NEO1: variants seen among roughly 807,000 people sequenced by gnomAD.
NEO1 encodes neogenin.
NEO1 carries 63 observed loss-of-function variants against 159.7 expected under a neutral mutation model. The observed-to-expected ratio is 0.39, with a 90% CI of 0.32 to 0.49. The LOEUF is 0.49. NEO1 is among the 20% of genes least tolerant of loss of function. The pLI is 0.85. For missense variants in NEO1, 1,615 were observed against 1,831.0 expected, an observed-to-expected ratio of 0.88 and a Z score of 2.15; for synonymous variants, 633 against 662.0, an observed-to-expected ratio of 0.96 and a Z score of 0.67.
At chr15:73,239,526 G>A (rs1291135758) in intron 8 of NEO1, among the ~76,000 whole-genome samples, 2 of 152,118 alleles carry the variant, frequency 1.3e-5, no homozygotes, top group African/African-American at 4.8e-5. Context: ...CGTATACAAT[G>A]GTGATCCCAT....
At chr15:73,223,055 G>A (rs1231101123) in intron 7 of NEO1, among the ~76,000 whole-genome samples, 5 of 152,158 alleles carry the variant, frequency 3.3e-5, no homozygotes, top group Admixed American at 3.3e-4. Context: ...TTTTGAACCT[G>A]CTCTTTCAGG....
At chr15:73,078,105 A>G (rs954752098) in intron 1 of NEO1, among the ~76,000 whole-genome samples, 4 of 152,198 alleles carry the variant, frequency 2.6e-5, no homozygotes, top group Non-Finnish European at 4.4e-5. Context: ...GGGATAGAAA[A>G]GAAGCGTCCT....
chr15:73,090,439 T>C (rs759263148), intron 1 of NEO1, among the ~76,000 whole-genome samples: 1 of 152,182 alleles, frequency 6.6e-6, no homozygotes, highest in Middle Eastern at 3.2e-3. Context: ...GTTAAAAATG[T>C]CTGGAAGGAT....
intron 15 of NEO1, 48 bp from the exon 16 acceptor site, chr15:73,266,268 A>G (rs550886072): frequency 1.4e-6 from 2 of 1,467,554 alleles, no homozygotes; most frequent in East Asian, 4.6e-5. Flanking sequence ...TTGAATTTTT[A>G]AAATTCTGTA....
chr15:73,096,860 T>C (rs1246595334), intron 1 of NEO1, among the ~76,000 whole-genome samples: 3 of 152,142 alleles, frequency 2.0e-5, no homozygotes, highest in Non-Finnish European at 2.9e-5. Context: ...GTGCAGTGGT[T>C]ACACCTGTAA....
chr15:73,080,431 A>T (rs776752084), intron 1 of NEO1, among the ~76,000 whole-genome samples: 1 of 151,744 alleles, frequency 6.6e-6, no homozygotes, highest in African/African-American at 2.4e-5. Context: ...ACTTGCATAG[A>T]CCTCTTCTAG....
intron 13 of NEO1, among the ~76,000 whole-genome samples, chr15:73,257,934 G>A (rs2040445563): frequency 6.6e-6 from 1 of 152,188 alleles, no homozygotes; most frequent in African/African-American, 2.4e-5. Context: ...TTTTGCTCCT[G>A]CCTTTTGTCT....
chr15:73,138,764 A>AAC (rs1555435021), intron 5 of NEO1, among the ~76,000 whole-genome samples: 1 of 133,224 alleles, frequency 7.5e-6, no homozygotes, highest in Non-Finnish European at 1.7e-5. Context: ...TCAAAAAAAA[A>AAC]AAAAAAACAA....
chr15:73,249,871 C>G (rs769514673), intron 11 of NEO1, 150 bp downstream of exon 11: 17 of 866,798 alleles, frequency 2.0e-5, no homozygotes, highest in Non-Finnish European at 2.6e-5. Flanking sequence ...GTCTGAACAT[C>G]TTTTTTCACG....
At chr15:73,166,616 G>T (rs1055844598) in intron 5 of NEO1, among the ~76,000 whole-genome samples, 1 of 152,160 alleles carries the variant, frequency 6.6e-6, no homozygotes, top group African/African-American at 2.4e-5. Flanking sequence ...CTAAAAGGGC[G>T]GGAGATCTTG....
chr15:73,249,339 A>G, intron 10 of NEO1, 131 bp downstream of exon 10: 1 of 1,121,620 alleles, frequency 8.9e-7, no homozygotes, highest in Non-Finnish European at 1.2e-6. Context: ...AAGTTGACAG[A>G]TTCTATTTCT....
At chr15:73,269,978 C>T (rs779451588) in intron 16 of NEO1, 32 bp from the exon 17 acceptor site, 10 of 1,525,312 alleles carry the variant, frequency 6.6e-6, no homozygotes, top group South Asian at 2.3e-5. Context: ...CATTAAAATG[C>T]CACTTCCCTT....
intron 7 of NEO1, among the ~76,000 whole-genome samples, chr15:73,178,970 G>GA (rs2035443472): frequency 6.6e-6 from 1 of 151,976 alleles, no homozygotes. Flanking sequence ...ACGTTTCTTA[G>GA]AAAAACTTAG....
At chr15:73,122,073 A>G (rs779088826) in intron 2 of NEO1, among the ~76,000 whole-genome samples, 17,569 of 71,266 alleles carry the variant, frequency 0.25, 1,129 homozygotes, top group South Asian at 0.34. Context: ...GTATATATAT[A>G]TATATATATA....
intron 23 of NEO1, among the ~76,000 whole-genome samples, chr15:73,286,085 C>A (rs774198462): frequency 1.7e-4 from 25 of 145,806 alleles, no homozygotes; most frequent in Non-Finnish European, 3.5e-4. Context: ...ACCCCCACCC[C>A]CTGTATGGTC....
chr15:73,190,792 A>G (rs1477746525), intron 7 of NEO1, among the ~76,000 whole-genome samples: 8 of 152,108 alleles, frequency 5.3e-5, no homozygotes, highest in Admixed American at 5.2e-4. Flanking sequence ...CTTAATCATG[A>G]AATTCATGTC....
chr15:73,254,637 CT>C (rs752348368), intron 12 of NEO1, 44 bp from the exon 13 acceptor site: 14 of 1,512,980 alleles, frequency 9.3e-6, no homozygotes, highest in African/African-American at 1.4e-5. Flanking sequence ...CAGGACCAAG[CT>C]TTTGATATAT....
At chr15:73,203,192 ACAGT>A (rs1455051097) in intron 7 of NEO1, among the ~76,000 whole-genome samples, 2 of 152,182 alleles carry the variant, frequency 1.3e-5, no homozygotes, top group Admixed American at 1.3e-4. Flanking sequence ...TACTGTTTTC[ACAGT>A]GGCTGTACCA....
chr15:73,094,691 T>G (rs1179855417), intron 1 of NEO1, among the ~76,000 whole-genome samples: 2 of 152,230 alleles, frequency 1.3e-5, no homozygotes, highest in Admixed American at 1.3e-4. Flanking sequence ...AATTTCCACA[T>G]GGTTGGGATA....
Sources: allele counts gnomAD v4.1 joint callset (sites outside exome capture counted in the v4.1 genomes callset), GRCh38; gene constraint gnomAD v4.1.1; transcripts MANE v1.5; gene names NCBI Gene and HGNC (gene_info 2026-07-23, HGNC 2026-07-21).